The following HECW1 variants were observed in gnomAD, a reference collection of about 807,000 sequenced individuals.
HECW1 encodes the protein E3 ubiquitin-protein ligase HECW1.
Under a neutral mutation model 182.3 loss-of-function variants are expected in HECW1, and 61 were observed. The observed-to-expected ratio is 0.33, with a 90% CI of 0.27 to 0.41. The LOEUF is 0.41. Among genes scored for constraint, HECW1 ranks in the 10% least tolerant of loss-of-function variants. The pLI, the probability that HECW1 is intolerant of heterozygous loss-of-function variation, is 1.00. For missense variants in HECW1, 1,739 were observed against 2,108.9 expected (o/e 0.82, Z 3.44); for synonymous variants, 859 against 832.6 (o/e 1.03, Z -0.55).
At chr7:43,298,272 A>T (rs1464502336) in intron 3 of HECW1, among the ~76,000 whole-genome samples, 2 of 152,144 alleles carry the variant, frequency 1.3e-5, no homozygotes, top group Non-Finnish European at 2.9e-5. Context: ...GAATATTTGG[A>T]GTTATTAAAT....
chr7:43,159,334 GC>G (rs1287944870), intron 2 of HECW1, among the ~76,000 whole-genome samples: 1 of 105,126 alleles, frequency 9.5e-6, no homozygotes, highest in Non-Finnish European at 1.9e-5. Context: ...CCTTCCCCCA[GC>G]CCCCAACCCC....
In HECW1 at chr7:43,468,974, G is replaced by T. The variant is rs1310976100; in HGVS notation, c.2968G>T (p.Val990Phe). The change falls in exon 16 of 30, where the codon GTC becomes TTC. Residue 990 changes from valine (V) to phenylalanine (F), a missense_variant. By Grantham distance (50) the Val-to-Phe change is conservative (BLOSUM62 -1). Around this residue, in one of 5 missense-constraint regions of HECW1, gnomAD observed 971 missense variants for 1,029.1 expected, o/e 0.94. Coordinates refer to ENST00000395891, the MANE Select transcript of HECW1 (RefSeq NM_015052.5). ...STCLKHMILK[V>F]RRDARNFERY... The stretch of plus-strand genomic sequence containing the variant: ...CTGCTTAAAGCACATGATTCTGAAA[G>T]TCCGACGGGATGCTCGCAATTTTGA... 1 of 1,614,222 alleles carries T rather than the reference G, an allele frequency of 6.2e-7. No homozygotes were observed. Among genetic ancestry groups the T allele is most frequent in the Non-Finnish European group, 8.5e-7 (1 of 1,180,052 alleles).
chr7:43,328,936 G>A (rs538609032), intron 5 of HECW1, among the ~76,000 whole-genome samples: 2 of 152,310 alleles, frequency 1.3e-5, no homozygotes, highest in Admixed American at 6.5e-5. Flanking sequence ...TAGCCCTATT[G>A]TGCTGGAGGC....
intron 16 of HECW1, among the ~76,000 whole-genome samples, chr7:43,473,349 C>A (rs570150788): frequency 1.3e-5 from 2 of 152,290 alleles, no homozygotes; most frequent in South Asian, 2.1e-4. Flanking sequence ...TGTAGCAACA[C>A]AAACACACTA....
In HECW1 at chr7:43,311,497, G is replaced by A. The variant is rs181606915; in HGVS notation, c.28-266G>A. On this transcript the variant is annotated intron_variant, in intron 3 of 29. Transcript: ENST00000395891. Reference sequence around the variant, plus strand: ...AGTCCTTCTGGTATCAAGTGGGTTAGAGCCGGGAGAGGCAGAGACTCCAAC... The same window carrying A: ...AGTCCTTCTGGTATCAAGTGGGTTAAAGCCGGGAGAGGCAGAGACTCCAAC... 237 of 660,446 alleles carry A rather than the reference G, an allele frequency of 3.6e-4. 3 individuals carry two copies. In the East Asian group the frequency reaches 5.4e-3, roughly 15 times the overall value. 40.9% of individuals were successfully genotyped at this position (660,446 alleles called of 1,614,324 possible). A position where few individuals can be genotyped will look rare whatever the true frequency, so the allele number is the denominator to read the frequency against.
chr7:43,315,465 GTTATTATTA>G (rs58930495), intron 4 of HECW1, among the ~76,000 whole-genome samples: 44,401 of 130,990 alleles, frequency 0.34, 6,849 homozygotes, highest in East Asian at 0.51. Flanking sequence ...CATTATTATT[GTTATTATTA>G]TTATTATTAT....
intron 5 of HECW1, among the ~76,000 whole-genome samples, chr7:43,331,161 G>A (rs929312504): frequency 5.3e-5 from 7 of 131,406 alleles, no homozygotes; most frequent in Non-Finnish European, 9.7e-5. Flanking sequence ...ACAGGCCCCC[G>A]TGTGTGATGT....
Position 43,416,650 on chromosome 7 carries a change from A to G in HECW1, c.801+8919A>G, listed in dbSNP as rs1156954059. ...AGCCTCGCTGCCGCCTTGCAGTTTG[A>G]TCTCAGACTGCTGTGCTAGCAATCA... On this transcript the variant is annotated intron_variant, in intron 8 of 29. Coordinates refer to ENST00000395891, the MANE Select transcript of HECW1 (RefSeq NM_015052.5). 1.1e-4 allele frequency among the ~76,000 whole-genome samples: 16 copies of G among 147,068 alleles called. No homozygotes were observed. In the East Asian group the frequency reaches 3.2e-3, roughly 29 times the overall value.
chr7:43,420,499 A>G (rs1412736512), intron 8 of HECW1, among the ~76,000 whole-genome samples: 2 of 152,186 alleles, frequency 1.3e-5, no homozygotes, highest in African/African-American at 4.8e-5. Flanking sequence ...ATAAACAAAT[A>G]AAGTATGTCA....
rs534446530 is a variant in HECW1 at position 43,147,103 on chromosome 7, G to T, written c.-32+32712G>T. Among the ~76,000 whole-genome samples, 5 of 152,336 alleles carry T rather than the reference G, an allele frequency of 3.3e-5. No individual in the cohort carries two copies. In the South Asian group the frequency reaches 1.0e-3, roughly 32 times the overall value. On this transcript the variant is annotated intron_variant, in intron 2 of 29. Transcript: ENST00000395891. The stretch of plus-strand genomic sequence containing the variant: ...TTTGTTGTGAAAGACTATTAAAGTT[G>T]TCTGTTATCCAAGGAAACCTTTACT...
chr7:43,488,446 A>AAGAAAG (rs1268071932), intron 17 of HECW1, among the ~76,000 whole-genome samples: 1 of 136,088 alleles, frequency 7.3e-6, no homozygotes, highest in African/African-American at 3.0e-5. Context: ...GAAAGAAAGA[A>AAGAAAG]AGAAAGAAAG....
intron 3 of HECW1, among the ~76,000 whole-genome samples, chr7:43,248,300 T>G (rs1185235783): frequency 6.6e-6 from 1 of 152,128 alleles, no homozygotes; most frequent in African/African-American, 2.4e-5. Context: ...CACCCCATAC[T>G]CTACACAATA....
intron 7 of HECW1, among the ~76,000 whole-genome samples, chr7:43,400,943 C>T (rs980021917): frequency 3.3e-5 from 5 of 152,148 alleles, no homozygotes; most frequent in African/African-American, 1.2e-4. Context: ...CTACATTGCT[C>T]CAATCTCTGC....
At chr7:43,558,513 A>G (rs1331968098) in intron 29 of HECW1, among the ~76,000 whole-genome samples, 1 of 152,180 alleles carries the variant, frequency 6.6e-6, no homozygotes, top group East Asian at 1.9e-4. Context: ...CCCCCGCAAG[A>G]GGCAGTTGAC....
intron 5 of HECW1, among the ~76,000 whole-genome samples, chr7:43,341,607 A>G (rs1179661903): frequency 5.3e-5 from 8 of 151,846 alleles, no homozygotes; most frequent in South Asian, 2.1e-4. Flanking sequence ...GGCAATTTGT[A>G]TAAGTTAGGC....
At chr7:43,165,941 T>C (rs1036321716) in intron 2 of HECW1, among the ~76,000 whole-genome samples, 3 of 152,214 alleles carry the variant, frequency 2.0e-5, no homozygotes, top group African/African-American at 7.2e-5. Context: ...ATTAATATAC[T>C]CATTCACTCA....
At chr7:43,196,773 CTTTA>C (rs1794499192) in intron 2 of HECW1, among the ~76,000 whole-genome samples, 1 of 152,086 alleles carries the variant, frequency 6.6e-6, no homozygotes, top group Non-Finnish European at 1.5e-5. Flanking sequence ...CATTACATAC[CTTTA>C]TTTATTAAAT....
intron 19 of HECW1, among the ~76,000 whole-genome samples, chr7:43,497,424 C>T (rs1464977648): frequency 1.3e-5 from 2 of 152,174 alleles, no homozygotes; most frequent in East Asian, 3.8e-4. Context: ...GAGAAGTTTT[C>T]AGCTGGAAAG....
At position 43,466,382 on chromosome 7, in the gene HECW1, G is replaced by A. The variant is rs906362585; in HGVS notation, c.2792-65G>A. 40 of 1,554,286 alleles carry A rather than the reference G, an allele frequency of 2.6e-5. No homozygotes were observed. The Admixed American group carries it at 5.3e-4, about 20-fold the overall frequency. On this transcript the variant is annotated intron_variant, in intron 14 of 29. Transcript: ENST00000395891. ...CTTGTGTGCTGCCACTGTCAGGAGC[G>A]AAGTACAGAGGTTGAAATGCCTTTT...
Sources: gnomAD v4.1 joint callset for allele counts (sites outside exome capture counted in the v4.1 genomes callset) on GRCh38, gnomAD v4.1.1 for gene constraint, gnomAD v4.1.1 regional missense constraint, MANE v1.5 for transcripts, NCBI Gene and HGNC (gene_info 2026-07-23, HGNC 2026-07-21) for gene names.